The following CHRNA7 variants were observed in gnomAD, a reference collection of about 807,000 sequenced individuals.
The protein encoded by CHRNA7 is neuronal acetylcholine receptor subunit alpha-7.
Under a neutral mutation model 48.0 loss-of-function variants are expected in CHRNA7, and 17 were observed. The observed-to-expected ratio is 0.35, with a 90% CI of 0.24 to 0.53. The LOEUF is 0.53. Ranked by LOEUF, CHRNA7 falls within the 20% of genes least tolerant of loss-of-function variation. The pLI is 0.92. For missense variants in CHRNA7, 155 were observed against 577.7 expected (o/e 0.27, Z 7.50); for synonymous variants, 75 against 242.3 (o/e 0.31, Z 6.41).
chr15:32,038,983 G>A (rs916257368), intron 2 of CHRNA7, among the ~76,000 whole-genome samples: 3 of 152,066 alleles, frequency 2.0e-5, no homozygotes, highest in Non-Finnish European at 4.4e-5. Context: ...CTTCTTGTTT[G>A]AGTTTTGAGA....
At chr15:32,148,807 G>A (rs1398853931) in intron 4 of CHRNA7, among the ~76,000 whole-genome samples, 2 of 152,200 alleles carry the variant, frequency 1.3e-5, no homozygotes, top group Non-Finnish European at 2.9e-5. Context: ...GACCTTCCTG[G>A]AGCCTCCTTC....
At chr15:32,096,187 G>A (rs868272032) in intron 2 of CHRNA7, among the ~76,000 whole-genome samples, 12 of 152,314 alleles carry the variant, frequency 7.9e-5, no homozygotes, top group African/African-American at 1.9e-4. Flanking sequence ...CGTTGTTTGC[G>A]TGTGCATGTG....
At chr15:32,094,884 G>A (rs368352909) in intron 2 of CHRNA7, among the ~76,000 whole-genome samples, 2 of 152,244 alleles carry the variant, frequency 1.3e-5, no homozygotes, top group South Asian at 2.1e-4. Context: ...TCCTGGCCTC[G>A]TGATCTGCCT....
chr15:32,116,402 G>T (rs1324667188), intron 4 of CHRNA7, among the ~76,000 whole-genome samples: 1 of 152,210 alleles, frequency 6.6e-6, no homozygotes, highest in Non-Finnish European at 1.5e-5. Flanking sequence ...TGGGTAACAA[G>T]TCATGCTGCT....
chr15:32,058,671 CTT>C (rs1445974483), intron 2 of CHRNA7, among the ~76,000 whole-genome samples: 1 of 152,112 alleles, frequency 6.6e-6, no homozygotes, highest in East Asian at 1.9e-4. Context: ...AAATGCCACT[CTT>C]TTGGAGGAAA....
At chr15:32,137,762 A>G (rs575550976) in intron 4 of CHRNA7, among the ~76,000 whole-genome samples, 1 of 152,262 alleles carries the variant, frequency 6.6e-6, no homozygotes, top group Non-Finnish European at 1.5e-5. Flanking sequence ...GTGTGTGTGC[A>G]CACATGCACT....
intron 4 of CHRNA7, among the ~76,000 whole-genome samples, chr15:32,152,246 C>A (rs188138745): frequency 5.3e-5 from 8 of 152,206 alleles, no homozygotes; most frequent in Admixed American, 5.2e-4. Flanking sequence ...AGTTCAAGAC[C>A]AGCCTAACCA....
intron 2 of CHRNA7, among the ~76,000 whole-genome samples, chr15:32,035,749 G>A (rs1189274646): frequency 6.6e-6 from 1 of 152,072 alleles, no homozygotes; most frequent in Non-Finnish European, 1.5e-5. Flanking sequence ...AAATGCTGAA[G>A]GTATAATCAG....
chr15:32,151,134 C>T (rs530975623), intron 4 of CHRNA7, among the ~76,000 whole-genome samples: 3 of 151,906 alleles, frequency 2.0e-5, no homozygotes, highest in Admixed American at 2.0e-4. Context: ...CCTAGAGTTT[C>T]TGGTTGCCTT....
intron 2 of CHRNA7, among the ~76,000 whole-genome samples, chr15:32,095,457 T>A (rs1477646408): frequency 6.6e-6 from 1 of 152,210 alleles, no homozygotes; most frequent in Non-Finnish European, 1.5e-5. Context: ...AATAGCAAGA[T>A]GTTAACATAA....
chr15:32,114,046 A>ATATATACATATATATATATATATATG (rs2050816037), intron 4 of CHRNA7, among the ~76,000 whole-genome samples: 1 of 44,750 alleles, frequency 2.2e-5, no homozygotes, highest in African/African-American at 6.6e-5. Context: ...ATATATATGT[A>ATATATACATATATATATATATATATG]TATATATATA....
chr15:32,123,762 T>C (rs969825949), intron 4 of CHRNA7, among the ~76,000 whole-genome samples: 4 of 152,102 alleles, frequency 2.6e-5, no homozygotes, highest in Non-Finnish European at 5.9e-5. Context: ...CCCCTCTCTC[T>C]CCGCTGTGCA....
chr15:32,063,101 C>T (rs1037824352), intron 2 of CHRNA7, among the ~76,000 whole-genome samples: 22 of 152,004 alleles, frequency 1.4e-4, no homozygotes, highest in Admixed American at 9.8e-4. Context: ...GGGTAGTTAC[C>T]GTGAGTGCAG....
chr15:32,112,375 G>A (rs1272483372), intron 4 of CHRNA7: 1 of 456,922 alleles, frequency 2.2e-6, no homozygotes, highest in Non-Finnish European at 4.4e-6. Flanking sequence ...TGAGCGTGAG[G>A]ACTGTCATCT....
chr15:32,085,856 A>C (rs1043129235), intron 2 of CHRNA7, among the ~76,000 whole-genome samples: 3 of 152,188 alleles, frequency 2.0e-5, no homozygotes, highest in African/African-American at 7.2e-5. Flanking sequence ...TAATTTGAAC[A>C]TGTTACTTCA....
At position 32,149,280 on chromosome 15, in the gene CHRNA7, G is replaced by C. The variant is rs1340016729; in HGVS notation, c.351-4627G>C. ...AATGAATCCCTGCAGCCCTACCCCT[G>C]TTTCCACGGTTATGGGTGTTTGCCA... On this transcript the variant is annotated intron_variant, in intron 4 of 9. Transcript: ENST00000306901. This position sits in a 1 kb window ranked among gnomAD's most constrained non-coding sequence, Gnocchi z 4.6. Among the ~76,000 whole-genome samples, 3 of 151,034 alleles carry C rather than the reference G, an allele frequency of 2.0e-5. No homozygotes were observed. Among genetic ancestry groups the C allele is most frequent in the Non-Finnish European group, 4.4e-5 (3 of 68,030 alleles).
At chr15:32,040,581 CGT>C (rs1392200989) in intron 2 of CHRNA7, among the ~76,000 whole-genome samples, 7 of 122,500 alleles carry the variant, frequency 5.7e-5, no homozygotes, top group South Asian at 3.2e-4. Context: ...TTATAAGGTG[CGT>C]GTGTGTGTGT....
In CHRNA7 at chr15:32,073,420, T is replaced by C. The variant is rs147037905; in HGVS notation, c.196-27883T>C. Among the ~76,000 whole-genome samples the C allele has an allele frequency of 7.1e-4, 108 of 152,330 alleles. 1 individual carries two copies. The East Asian group carries it at 0.02, about 28-fold the overall frequency. ...GGCTCATAGGTCAAAGAAATTTGCC[T>C]TGAGCCTTAGATGAAACTTTGGACT... On this transcript the variant is annotated intron_variant, in intron 2 of 9. Transcript: ENST00000306901.
At chr15:32,138,845 C>G (rs539282268) in intron 4 of CHRNA7, among the ~76,000 whole-genome samples, 3 of 152,174 alleles carry the variant, frequency 2.0e-5, no homozygotes. Context: ...CCTCCACGTC[C>G]CGGGTTCAAG....
Sources: gnomAD v4.1 joint callset for allele counts (sites outside exome capture counted in the v4.1 genomes callset) on GRCh38, gnomAD v4.1.1 for gene constraint, Gnocchi (gnomAD v3.1) non-coding constraint, MANE v1.5 for transcripts, NCBI Gene and HGNC (gene_info 2026-07-23, HGNC 2026-07-21) for gene names.